Variants in WDR17 observed in about 807,000 individuals in gnomAD.
The protein encoded by WDR17 is WD repeat domain 17.
WDR17 carries 143 observed loss-of-function variants against 161.7 expected under a neutral mutation model. The observed-to-expected ratio is 0.88, with a 90% CI of 0.77 to 1.02. The LOEUF is 1.02. Among genes scored for constraint, WDR17 ranks in the 50% least tolerant of loss-of-function variants. The pLI is 0.00. For missense variants in WDR17, 1,469 were observed against 1,520.9 expected (o/e 0.97, Z 0.57); for synonymous variants, 517 against 515.6 (o/e 1.00, Z -0.04).
At chr4:176,119,063 C>A (rs375055953) in intron 3 of WDR17, among the ~76,000 whole-genome samples, 4 of 152,038 alleles carry the variant, frequency 2.6e-5, no homozygotes, top group African/African-American at 9.7e-5. Context: ...TTGATGCAGC[C>A]AGCTAATATA....
At chr4:176,081,600 C>T (rs1419876914) in intron 1 of WDR17, among the ~76,000 whole-genome samples, 4 of 152,062 alleles carry the variant, frequency 2.6e-5, no homozygotes, top group Non-Finnish European at 5.9e-5. Flanking sequence ...AACAGACTTC[C>T]TTTTTTTCTT....
chr4:176,068,596 C>T (rs1185742146), intron 1 of WDR17, among the ~76,000 whole-genome samples: 4 of 151,434 alleles, frequency 2.6e-5, no homozygotes, highest in Non-Finnish European at 4.4e-5. Context: ...AGCAAGACAA[C>T]GTCAAAAAAA....
rs1751200787 is a variant in WDR17 at position 176,174,669 on chromosome 4, A to G, written c.3400A>G (p.Ile1134Val). ...TGGTTACATTGGTGCATTACTGGCT[A>G]TCAGAAGACAGTACCAAAGCATTGT... Reference protein sequence around the residue: ...LCGYIGALLAIRRQYQSIVPA... With the variant: ...LCGYIGALLAVRRQYQSIVPA... The change falls in exon 26 of 29, where the codon ATC becomes GTC. Residue 1134 changes from isoleucine (I) to valine (V), a missense_variant. Physicochemically the swap from Ile to Val is conservative, Grantham distance 29 (BLOSUM62 3). Coordinates refer to ENST00000508596, the MANE Select transcript of WDR17 (RefSeq NM_181265.4). The G allele has an allele frequency of 8.7e-6, 14 of 1,612,404 alleles. No individual in the cohort carries two copies. The highest frequency in any genetic ancestry group is 1.1e-5 in the Non-Finnish European group (13 of 1,178,994).
At position 176,179,497 on chromosome 4, in the gene WDR17, T is replaced by C; in HGVS notation, c.3770T>C (p.Ile1257Thr). The change falls in exon 29 of 29, where the codon ATC becomes ACC. Residue 1257 changes from isoleucine (I) to threonine (T), a missense_variant. Coordinates refer to ENST00000508596, the MANE Select transcript of WDR17 (RefSeq NM_181265.4). ...VFFLEDGKSA[I>T]SLNDALMWAK... ...TTCCTTGAAGACGGGAAATCTGCTA[T>C]CTCCTTGAATGATGCTTTGATGTGG... The C allele has an allele frequency of 1.2e-6, 2 of 1,605,186 alleles. No individual in the cohort carries two copies. Among genetic ancestry groups the C allele is most frequent in the African/African-American group, 2.7e-5 (2 of 74,600 alleles).
intron 1 of WDR17, among the ~76,000 whole-genome samples, chr4:176,069,809 T>C (rs1732993030): frequency 1.3e-5 from 2 of 152,286 alleles, no homozygotes; most frequent in African/African-American, 4.8e-5. Context: ...TTTAACATGC[T>C]ATTAAAAAAA....
At chr4:176,089,477 G>A (rs535213658) in intron 1 of WDR17, among the ~76,000 whole-genome samples, 1 of 152,102 alleles carries the variant, frequency 6.6e-6, no homozygotes, top group South Asian at 2.1e-4. Context: ...AGATTTGTGG[G>A]TCTCTCCTAT....
intron 1 of WDR17, among the ~76,000 whole-genome samples, chr4:176,085,238 A>T (rs774507656): frequency 6.6e-6 from 1 of 152,192 alleles, no homozygotes; most frequent in Non-Finnish European, 1.5e-5. Flanking sequence ...AACTCCATGT[A>T]TCTTTACTTT....
At chr4:176,097,989 T>C (rs1423817846) in intron 1 of WDR17, among the ~76,000 whole-genome samples, 1 of 151,978 alleles carries the variant, frequency 6.6e-6, no homozygotes, top group East Asian at 1.9e-4. Context: ...GTTGTTAAAA[T>C]ATAGAAATAG....
intron 1 of WDR17, among the ~76,000 whole-genome samples, chr4:176,087,882 C>T (rs1238790837): frequency 6.6e-6 from 1 of 151,630 alleles, no homozygotes; most frequent in Admixed American, 6.6e-5. Context: ...GAATCTGTGT[C>T]ACCCAGGCTG....
At chr4:176,110,707 T>C (rs947188372) in intron 1 of WDR17, among the ~76,000 whole-genome samples, 11 of 152,234 alleles carry the variant, frequency 7.2e-5, no homozygotes, top group Non-Finnish European at 1.6e-4. Flanking sequence ...TAGCATTTTT[T>C]TGATCTGAGA....
At chr4:176,169,198 A>G (rs555119371) in intron 23 of WDR17, among the ~76,000 whole-genome samples, 2 of 152,324 alleles carry the variant, frequency 1.3e-5, no homozygotes, top group South Asian at 4.1e-4. Flanking sequence ...TAGACAACTT[A>G]GAATCCTTAA....
At chr4:176,073,006 G>T (rs1336914429) in intron 1 of WDR17, among the ~76,000 whole-genome samples, 2 of 152,032 alleles carry the variant, frequency 1.3e-5, no homozygotes, top group East Asian at 3.8e-4. Context: ...TTTTTAGCAA[G>T]ATTTTTTCAC....
intron 18 of WDR17, among the ~76,000 whole-genome samples, chr4:176,156,972 T>C (rs913372343): frequency 2.0e-5 from 3 of 152,190 alleles, no homozygotes; most frequent in African/African-American, 4.8e-5. Context: ...ATGAGTCATA[T>C]TGGATTGAGG....
At chr4:176,073,265 C>T (rs1733477838) in intron 1 of WDR17, among the ~76,000 whole-genome samples, 1 of 152,148 alleles carries the variant, frequency 6.6e-6, no homozygotes, top group South Asian at 2.1e-4. Flanking sequence ...TTCTCCCACC[C>T]TACAACAGTC....
chr4:176,141,395 A>G (rs1579167573), intron 10 of WDR17, among the ~76,000 whole-genome samples: 2 of 152,204 alleles, frequency 1.3e-5, no homozygotes, highest in African/African-American at 2.4e-5. Context: ...ATTATGTTTT[A>G]AAATGTATTA....
chr4:176,136,328 T>C (rs1003757735), intron 8 of WDR17, among the ~76,000 whole-genome samples: 3 of 151,648 alleles, frequency 2.0e-5, no homozygotes, highest in Admixed American at 6.6e-5. Flanking sequence ...GCTAGCAATA[T>C]AGGAATTGGA....
In WDR17 at chr4:176,177,126, C is replaced by T. The variant is rs763998036; in HGVS notation, c.3518C>T (p.Ala1173Val). The change falls in exon 27 of 29, where the codon GCA becomes GTA. Residue 1173 changes from alanine (A) to valine (V), a missense_variant. Physicochemically the swap from Ala to Val is moderately conservative, Grantham distance 64 (BLOSUM62 0). Coordinates refer to ENST00000508596, the MANE Select transcript of WDR17 (RefSeq NM_181265.4). Reference protein sequence around the residue: ...KIEYLSEELDAWRACTQSTNR... With the variant: ...KIEYLSEELDVWRACTQSTNR... ...GAATATCTTTCTGAGGAATTGGATG[C>T]ATGGAGAGCTTGCACACAGTCCACC... 6.2e-7 allele frequency: 1 copy of T among 1,613,674 alleles called. No homozygotes were observed. The highest frequency in any genetic ancestry group is 2.2e-5 in the East Asian group (1 of 44,830).
rs76555598 is a variant in WDR17, at chr4:176,067,043, A to G, written c.-7+964A>G. ...TAAGCATTAATTTATTTGTAGATTT[A>G]TGCCTTATCATTACCCTGCTTGCCA... On this transcript the variant is annotated intron_variant, in intron 1 of 28. Coordinates refer to ENST00000508596, the MANE Select transcript of WDR17 (RefSeq NM_181265.4). Among the ~76,000 whole-genome samples the G allele has an allele frequency of 3.9e-3, 588 of 152,326 alleles. 32 individuals carry two copies. The East Asian group carries it at 0.1, about 26-fold the overall frequency.
At chr4:176,171,841 C>T (rs887225473) in intron 23 of WDR17, among the ~76,000 whole-genome samples, 1 of 152,096 alleles carries the variant, frequency 6.6e-6, no homozygotes, top group African/African-American at 2.4e-5. Context: ...AAAAAATCTC[C>T]ATTTCATGGC....
Sources: gnomAD v4.1 joint callset for allele counts (sites outside exome capture counted in the v4.1 genomes callset) on GRCh38, gnomAD v4.1.1 for gene constraint, MANE v1.5 for transcripts, NCBI Gene and HGNC (gene_info 2026-07-23, HGNC 2026-07-21) for gene names.